PRKCA: variants seen among roughly 807,000 people sequenced by gnomAD.
PRKCA encodes the protein protein kinase C alpha.
In PRKCA, 27 loss-of-function variants were observed where a neutral mutation model predicts 87.0. The ratio of observed to expected loss-of-function variants is 0.31; its 90% CI spans 0.23 to 0.43. The LOEUF (loss-of-function observed/expected upper bound fraction) is 0.43. PRKCA is among the 20% of genes least tolerant of loss of function. PRKCA has a pLI of 1.00. For synonymous variants in PRKCA, 329 were observed against 311.1 expected (o/e 1.06, Z -0.61); for missense variants, 518 against 852.3 (o/e 0.61, Z 4.88).
chr17:66,575,221 C>T (rs1170340641), intron 3 of PRKCA, among the ~76,000 whole-genome samples: 3 of 152,140 alleles, frequency 2.0e-5, no homozygotes, highest in Admixed American at 1.3e-4. Flanking sequence ...GATTCGCATC[C>T]CAGATGATAT....
intron 2 of PRKCA, among the ~76,000 whole-genome samples, chr17:66,434,959 A>T (rs1913295416): frequency 6.6e-6 from 1 of 152,218 alleles, no homozygotes; most frequent in Non-Finnish European, 1.5e-5. Context: ...TTGAATATTT[A>T]CATTAGTCTT....
chr17:66,645,680 G>A (rs933225562), intron 5 of PRKCA, among the ~76,000 whole-genome samples, 169 bp downstream of exon 5: 6 of 152,118 alleles, frequency 3.9e-5, no homozygotes, highest in Non-Finnish European at 8.8e-5. Context: ...CTGAGCCCTC[G>A]GGTTAATACA....
At chr17:66,350,814 C>T (rs968592016) in intron 2 of PRKCA, among the ~76,000 whole-genome samples, 6 of 152,148 alleles carry the variant, frequency 3.9e-5, no homozygotes, top group Admixed American at 6.5e-5. Flanking sequence ...CGTGAGGCAC[C>T]GTGACTAGCC....
chr17:66,367,745 G>A (rs1394066509), intron 2 of PRKCA, among the ~76,000 whole-genome samples: 1 of 152,104 alleles, frequency 6.6e-6, no homozygotes, highest in Non-Finnish European at 1.5e-5. Context: ...GTTTTTGCTG[G>A]CTTTATGGTA....
At chr17:66,801,549 G>A (rs1975897934) in intron 16 of PRKCA, among the ~76,000 whole-genome samples, 1 of 152,226 alleles carries the variant, frequency 6.6e-6, no homozygotes, top group South Asian at 2.1e-4. Context: ...TTTCTAGGAA[G>A]AAACAGCATG....
At chr17:66,688,900 A>G (rs1598875191) in intron 7 of PRKCA, 51 bp from the exon 8 acceptor site, 1 of 1,200,892 alleles carries the variant, frequency 8.3e-7, no homozygotes, top group South Asian at 1.3e-5. Context: ...AGGCTGCAGG[A>G]AAGGCTTGTT....
At chr17:66,591,195 C>T (rs1969792978) in intron 3 of PRKCA, among the ~76,000 whole-genome samples, 1 of 152,144 alleles carries the variant, frequency 6.6e-6, no homozygotes, top group African/African-American at 2.4e-5. Flanking sequence ...CCCTGTTACC[C>T]AGGCTGGAAT....
chr17:66,783,653 T>C (rs1214650868), intron 14 of PRKCA, among the ~76,000 whole-genome samples: 2 of 152,114 alleles, frequency 1.3e-5, no homozygotes, highest in Non-Finnish European at 2.9e-5. Context: ...CATTTGAAGG[T>C]GGGGTGGCTG....
chr17:66,337,290 A>G (rs1271342437), intron 2 of PRKCA, among the ~76,000 whole-genome samples: 2 of 152,194 alleles, frequency 1.3e-5, no homozygotes, highest in African/African-American at 4.8e-5. Context: ...CGCTAAGGAC[A>G]GTGACCTTCT....
chr17:66,507,569 C>T (rs774038701), intron 3 of PRKCA, among the ~76,000 whole-genome samples: 3 of 152,146 alleles, frequency 2.0e-5, no homozygotes, highest in Non-Finnish European at 2.9e-5. Context: ...AGATTAGCAA[C>T]GTGAACTAGT....
At chr17:66,463,124 C>T (rs1313799888) in intron 2 of PRKCA, among the ~76,000 whole-genome samples, 2 of 152,108 alleles carry the variant, frequency 1.3e-5, no homozygotes, top group Admixed American at 1.3e-4. Context: ...GGTATATGTG[C>T]GCTCTTAGTC....
intron 3 of PRKCA, among the ~76,000 whole-genome samples, chr17:66,538,454 C>T (rs573796865): frequency 6.6e-6 from 1 of 152,098 alleles, no homozygotes; most frequent in Non-Finnish European, 1.5e-5. Flanking sequence ...GAGGCTGTTG[C>T]GTTTGTCACC....
chr17:66,741,779 G>T (rs1974164154), intron 12 of PRKCA, 58 bp downstream of exon 12: 16 of 1,543,412 alleles, frequency 1.0e-5, no homozygotes, highest in Non-Finnish European at 1.4e-5. Context: ...GGGCCTCTGT[G>T]GGCATGTCAT....
intron 3 of PRKCA, among the ~76,000 whole-genome samples, chr17:66,630,044 A>G (rs1427955635): frequency 6.6e-6 from 1 of 152,168 alleles, no homozygotes; most frequent in African/African-American, 2.4e-5. Context: ...AAATTATTTC[A>G]AAATAAATGT....
chr17:66,562,985 C>G lies in PRKCA; in HGVS notation c.288+66702C>G, dbSNP rs557673907. 5.0e-4 allele frequency among the ~76,000 whole-genome samples: 76 copies of G among 152,112 alleles called. 2 individuals carry two copies. The South Asian group carries it at 0.016, about 31-fold the overall frequency. Reference sequence around the variant, plus strand: ...TTCTCTCTGATTTCTGGTTATATACCTATAACTGTAGCAGCTATTTCATCC... The same window carrying G: ...TTCTCTCTGATTTCTGGTTATATACGTATAACTGTAGCAGCTATTTCATCC... On this transcript the variant is annotated intron_variant, in intron 3 of 16. Transcript: ENST00000413366.
At chr17:66,549,176 G>A (rs1202769370) in intron 3 of PRKCA, among the ~76,000 whole-genome samples, 2 of 147,990 alleles carry the variant, frequency 1.4e-5, no homozygotes. Flanking sequence ...ACCACAGGAA[G>A]TCCATGCAGG....
intron 8 of PRKCA, among the ~76,000 whole-genome samples, chr17:66,706,462 C>T (rs113803727): frequency 0.023 from 3,308 of 145,834 alleles, 118 homozygotes; most frequent in African/African-American, 0.081. Flanking sequence ...GGTGAAACCC[C>T]GTCTCTACTA....
chr17:66,462,851 T>C (rs891694386), intron 2 of PRKCA, among the ~76,000 whole-genome samples: 5 of 152,054 alleles, frequency 3.3e-5, no homozygotes, highest in African/African-American at 1.2e-4. Context: ...TTACTGTTGG[T>C]GCTTAGAAAA....
At chr17:66,377,758 T>C (rs1387210587) in intron 2 of PRKCA, among the ~76,000 whole-genome samples, 2 of 122,598 alleles carry the variant, frequency 1.6e-5, no homozygotes, top group East Asian at 2.5e-4. Flanking sequence ...AGGACCTCAC[T>C]CTGTCTCCCA....
Sources: gnomAD v4.1 joint callset for allele counts (sites outside exome capture counted in the v4.1 genomes callset) on GRCh38, gnomAD v4.1.1 for gene constraint, MANE v1.5 for transcripts, NCBI Gene and HGNC (gene_info 2026-07-23, HGNC 2026-07-21) for gene names.